Variants in COCH observed in about 807,000 individuals in gnomAD.
The protein encoded by COCH is coagulation factor C homolog, cochlin (Limulus polyphemus).
COCH carries 40 observed loss-of-function variants against 54.8 expected under a neutral mutation model. The observed-to-expected ratio is 0.73, with a 90% CI of 0.57 to 0.95. The LOEUF (loss-of-function observed/expected upper bound fraction) is 0.95. Among genes scored for constraint, COCH ranks in the 40% least tolerant of loss-of-function variants. The pLI is 0.00. For synonymous variants in COCH, 256 were observed against 237.9 expected (o/e 1.08, Z -0.70); for missense variants, 605 against 675.0 (o/e 0.90, Z 1.15).
rs1566412941 is a variant in COCH, at chr14:30,885,633, GGGTTAT to G, written c.960+14_960+19del. 6.5e-7 allele frequency: 1 copy of G among 1,543,412 alleles called. No homozygotes were observed. The highest frequency in any genetic ancestry group is 1.7e-5 in the Admixed American group (1 of 59,906). ...ATTTGTTGACAAGGTAAAGTGGTGA[GGGTTAT>G]CTTCTGTTACAGTGATGGGTATTCC... is the stretch of plus-strand genomic sequence containing the variant. On this transcript the variant is annotated intron_variant, in intron 10 of 11. Coordinates refer to ENST00000396618, the MANE Select transcript of COCH (RefSeq NM_004086.3).
In COCH at chr14:30,874,929, A is replaced by G. The variant is rs200113981; in HGVS notation, c.-10A>G. 42 of 1,613,168 alleles carry G rather than the reference A, an allele frequency of 2.6e-5. No homozygotes were observed. The highest frequency in any genetic ancestry group is 3.4e-5 in the Non-Finnish European group (40 of 1,179,768). ...CCTCTCTCCCAGGTGTGAGCAGCCT[A>G]TCAGTCACCATGTCCGCAGCCTGGA... is the stretch of plus-strand genomic sequence containing the variant. On this transcript the variant is annotated 5_prime_UTR_variant, in exon 2 of 12. Coordinates refer to ENST00000396618, the MANE Select transcript of COCH (RefSeq NM_004086.3).
rs1318780332 is a variant in COCH, at chr14:30,890,016, C to T, written c.*225C>T. ...CTGCTGAGGCTTCATAATCATGGCT[C>T]TTAGAAACTCAGGAAAGAGGAGATA... On this transcript the variant is annotated 3_prime_UTR_variant, in exon 12 of 12. Transcript: ENST00000396618. 5 of 1,244,872 alleles carry T rather than the reference C, an allele frequency of 4.0e-6. No individual in the cohort carries two copies. In the East Asian group the frequency reaches 1.8e-4, roughly 44 times the overall value. The allele number at this position is 1,244,872 out of a possible 1,614,324, so 77.1% of individuals were successfully genotyped here. A position where few individuals can be genotyped will look rare whatever the true frequency, so the allele number is the denominator to read the frequency against.
downstream of COCH, chr14:30,894,026 C>A (rs984636291): frequency 6.6e-6 from 1 of 152,482 alleles, no homozygotes; most frequent in Non-Finnish European, 1.5e-5. Context: ...CATCAAAACT[C>A]GCAAACTGAT....
At chr14:30,889,370 C>T (rs961236881) in intron 11 of COCH, 5 of 486,616 alleles carry the variant, frequency 1.0e-5, no homozygotes, top group Non-Finnish European at 1.5e-5. Context: ...TATTTCTTAT[C>T]AGTGATGACT....
At chr14:30,885,227 G>T in intron 9 of COCH, 167 bp from the exon 10 acceptor site, 1 of 934,264 alleles carries the variant, frequency 1.1e-6, no homozygotes, top group Non-Finnish European at 1.6e-6. Flanking sequence ...CCCAGCTGAT[G>T]CATCTGTTAC....
Position 30,880,604 on chromosome 14 carries a change from G to A in COCH, c.499G>A (p.Ala167Thr). Residue 167 changes from alanine (A) to threonine (T), a missense_variant, in exon 8 of 12, where the codon GCA (alanine) becomes ACA (threonine). Coordinates refer to ENST00000396618, the MANE Select transcript of COCH (RefSeq NM_004086.3). ...TGNKDCKADI[A>T]FLIDGSFNIG... Reference sequence around the variant, plus strand: ...GTTCGCAGATTGTAAAGCAGACATTGCATTTCTGATTGATGGAAGCTTTAA... The same window carrying A: ...GTTCGCAGATTGTAAAGCAGACATTACATTTCTGATTGATGGAAGCTTTAA... The A allele has an allele frequency of 6.2e-7, 1 of 1,614,116 alleles. No homozygotes were observed. Among genetic ancestry groups the A allele is most frequent in the Non-Finnish European group, 8.5e-7 (1 of 1,180,036 alleles).
At chr14:30,885,039 GA>G in intron 9 of COCH, 1 of 1,597,780 alleles carries the variant, frequency 6.3e-7, no homozygotes, top group Non-Finnish European at 8.5e-7. Context: ...AGACTTCTTA[GA>G]GGTACTAATC....
intron 8 of COCH, 64 bp downstream of exon 8, chr14:30,880,798 T>C: frequency 8.8e-7 from 1 of 1,142,292 alleles, no homozygotes; most frequent in Non-Finnish European, 1.3e-6. Flanking sequence ...CACATAATAA[T>C]TATATATACT....
At chr14:30,886,412 C>G (rs1377855321) in intron 11 of COCH, 100 bp downstream of exon 11, 1 of 1,282,944 alleles carries the variant, frequency 7.8e-7, no homozygotes, top group Non-Finnish European at 1.1e-6. Context: ...TAAACAAACA[C>G]CTGTGGCTTT....
At chr14:30,894,270 A>C (rs1896068596), downstream of COCH, 1 of 152,382 alleles carries the variant, frequency 6.6e-6, no homozygotes, top group Non-Finnish European at 1.5e-5. Flanking sequence ...TTTGTTTGGA[A>C]TCATGGTAAA....
chr14:30,875,436 T>TG (rs1207431951), intron 3 of COCH: 1 of 589,866 alleles, frequency 1.7e-6, no homozygotes, highest in Non-Finnish European at 3.0e-6. Flanking sequence ...GAGGACTCCT[T>TG]GAGCCTCACC....
chr14:30,893,296 G>A (rs146788725), downstream of COCH, among the ~76,000 whole-genome samples: 2 of 151,518 alleles, frequency 1.3e-5, no homozygotes, highest in South Asian at 2.1e-4. Context: ...ATAGGCACCC[G>A]CCACCACGCC....
chr14:30,877,808 TC>T lies in COCH; in HGVS notation c.239+82del, dbSNP rs1378124573. On this transcript the variant is annotated intron_variant, in intron 4 of 11. Coordinates refer to ENST00000396618, the MANE Select transcript of COCH (RefSeq NM_004086.3). The surrounding 1 kb of genome is among the most constrained non-coding windows in gnomAD (Gnocchi z 8.6). ...CCTGCTTTACCCATCTGGATCCCTTTCCTCCCTGCATTCTTTCTTTTGTTGC... is the reference window on the plus strand; with the variant it reads ...CCTGCTTTACCCATCTGGATCCCTTTCTCCCTGCATTCTTTCTTTTGTTGC... 8 of 1,580,466 alleles carry T rather than the reference TC, an allele frequency of 5.1e-6. No individual in the cohort carries two copies. In the Admixed American group the frequency reaches 6.8e-5, roughly 13 times the overall value.
downstream of COCH, among the ~76,000 whole-genome samples, chr14:30,893,549 A>G (rs1439352244): frequency 6.6e-6 from 1 of 152,204 alleles, no homozygotes; most frequent in Non-Finnish European, 1.5e-5. Context: ...CAAATAGAAC[A>G]ACACTGCCAT....
Position 30,886,294 on chromosome 14 carries a change from G to T in COCH, c.1459G>T (p.Ala487Ser), listed in dbSNP as rs1895789105. 3 of 1,614,036 alleles carry T rather than the reference G, an allele frequency of 1.9e-6. No homozygotes were observed. The highest frequency in any genetic ancestry group is 2.2e-5 in the South Asian group (2 of 91,084). Residue 487 changes from alanine (A) to serine (S), a missense_variant, in exon 11 of 12, where the codon GCT becomes TCT. By Grantham distance (99) the Ala-to-Ser change is moderately conservative. Coordinates refer to ENST00000396618, the MANE Select transcript of COCH (RefSeq NM_004086.3). ...CTATGATGATGTCCAAGGCCCTGCA[G>T]CTGCTGCACATGATGCAGGTAAGGT... ...QSYDDVQGPAAAAHDAGITIF... is the reference protein window; with the variant it reads ...QSYDDVQGPASAAHDAGITIF...
Position 30,880,657 on chromosome 14 carries a change from G to T in COCH, c.552G>T (p.Gln184His). The change falls in exon 8 of 12, where the codon CAG becomes CAT. Residue 184 changes from glutamine (Q) to histidine (H), a missense_variant. Transcript: ENST00000396618. ...TTGGGCAGCGCCGATTTAATTTACA[G>T]AAGAATTTTGTTGGAAAAGTGGCTC... The part of the protein sequence containing the change: ...FNIGQRRFNL[Q>H]KNFVGKVALM... 1 of 1,614,110 alleles carries T rather than the reference G, an allele frequency of 6.2e-7. No individual in the cohort carries two copies. Among genetic ancestry groups the T allele is most frequent in the Non-Finnish European group, 8.5e-7 (1 of 1,179,994 alleles).
chr14:30,875,486 TGGA>T (rs978505457), intron 3 of COCH: 1 of 514,408 alleles, frequency 1.9e-6, no homozygotes, highest in Non-Finnish European at 3.4e-6. Context: ...CGTTTGGGGG[TGGA>T]GGAGAAGCCG....
intron 8 of COCH, 57 bp from the exon 9 acceptor site, chr14:30,884,496 G>A: frequency 2.5e-6 from 3 of 1,210,736 alleles, no homozygotes; most frequent in South Asian, 1.2e-5. Context: ...GGCATGTAAT[G>A]TTGCTTATTT....
intron 3 of COCH, chr14:30,876,650 G>T (rs923892156): frequency 1.3e-5 from 2 of 152,096 alleles, no homozygotes; most frequent in Non-Finnish European, 2.9e-5. Flanking sequence ...GCATTTGTAG[G>T]CTAACTAGGA....
Sources: allele counts gnomAD v4.1 joint callset (sites outside exome capture counted in the v4.1 genomes callset), GRCh38; gene constraint gnomAD v4.1.1; non-coding constraint Gnocchi (gnomAD v3.1); transcripts MANE v1.5; gene names NCBI Gene and HGNC (gene_info 2026-07-23, HGNC 2026-07-21).